Variants in SPIDR observed in about 807,000 individuals in gnomAD.
SPIDR encodes DNA repair-scaffolding protein.
SPIDR carries 93 observed loss-of-function variants against 104.6 expected under a neutral mutation model. That is an observed-to-expected ratio of 0.89 (90% CI 0.75 to 1.06). The LOEUF is 1.06. Ranked by LOEUF, SPIDR falls within the 50% of genes least tolerant of loss-of-function variation. The pLI is 0.00. For synonymous variants in SPIDR, 431 were observed against 416.9 expected (o/e 1.03, Z -0.41); for missense variants, 1,154 against 1,111.2 (o/e 1.04, Z -0.55).
chr8:47,665,690 A>C (rs1246706765), intron 10 of SPIDR, among the ~76,000 whole-genome samples: 1 of 152,246 alleles, frequency 6.6e-6, no homozygotes, highest in African/African-American at 2.4e-5. Flanking sequence ...CTGCTGATAC[A>C]CAAGGTGAGG....
intron 10 of SPIDR, among the ~76,000 whole-genome samples, chr8:47,671,733 C>T (rs1422199814): frequency 2.0e-5 from 3 of 152,072 alleles, no homozygotes; most frequent in Admixed American, 6.6e-5. Flanking sequence ...TGTCTTCTGG[C>T]GTCATTCATT....
chr8:47,431,363 A>G (rs1175134393), intron 7 of SPIDR, among the ~76,000 whole-genome samples: 1 of 152,190 alleles, frequency 6.6e-6, no homozygotes, highest in Non-Finnish European at 1.5e-5. Flanking sequence ...GGACACCAAC[A>G]TTCAATCTGT....
chr8:47,362,232 A>T (rs1190823483), intron 5 of SPIDR, among the ~76,000 whole-genome samples: 3 of 152,184 alleles, frequency 2.0e-5, no homozygotes, highest in African/African-American at 4.8e-5. Context: ...TTCTGCTGAG[A>T]GTGTGACTGC....
At chr8:47,263,571 G>A (rs1217497844) in intron 1 of SPIDR, among the ~76,000 whole-genome samples, 1 of 152,094 alleles carries the variant, frequency 6.6e-6, no homozygotes, top group Non-Finnish European at 1.5e-5. Flanking sequence ...CGCCCGCCTC[G>A]GCCTCCCAAA....
At chr8:47,729,735 T>A in intron 19 of SPIDR, 1 of 482,050 alleles carries the variant, frequency 2.1e-6, no homozygotes, top group East Asian at 3.5e-5. Flanking sequence ...TTGTTTTTGT[T>A]TTTAGACAGA....
At chr8:47,727,602 T>G (rs1302728150) in intron 17 of SPIDR, among the ~76,000 whole-genome samples, 2 of 152,102 alleles carry the variant, frequency 1.3e-5, no homozygotes, top group Non-Finnish European at 2.9e-5. Flanking sequence ...AAAAACTTGG[T>G]GACTGTATAG....
chr8:47,320,738 G>C (rs371154937), intron 5 of SPIDR, among the ~76,000 whole-genome samples: 1 of 152,164 alleles, frequency 6.6e-6, no homozygotes, highest in South Asian at 2.1e-4. Context: ...ACATGGAAAA[G>C]CTTATCCACC....
intron 8 of SPIDR, among the ~76,000 whole-genome samples, chr8:47,446,602 A>G (rs1228025024): frequency 2.0e-5 from 3 of 148,856 alleles, no homozygotes; most frequent in Admixed American, 6.7e-5. Flanking sequence ...TTTTTTTTTA[A>G]ATGAGATGGA....
At chr8:47,578,016 G>A (rs549787698) in intron 8 of SPIDR, among the ~76,000 whole-genome samples, 92 of 152,290 alleles carry the variant, frequency 6.0e-4, no homozygotes, top group African/African-American at 2.0e-3. Context: ...ATTTAGATTT[G>A]TATTCAGGAG....
At chr8:47,515,213 TTCTTCTGCTAAAAGA>T (rs1238479513) in intron 8 of SPIDR, among the ~76,000 whole-genome samples, 2 of 152,226 alleles carry the variant, frequency 1.3e-5, no homozygotes, top group Admixed American at 6.5e-5. Flanking sequence ...ATCTGCCAGT[TTCTTCTGCTAAAAGA>T]TCTTCTGCTA....
At chr8:47,363,761 C>T (rs2056637595) in intron 5 of SPIDR, among the ~76,000 whole-genome samples, 1 of 151,918 alleles carries the variant, frequency 6.6e-6, no homozygotes, top group Admixed American at 6.6e-5. Flanking sequence ...AGTTTGGGGA[C>T]CCCTGAGCTC....
chr8:47,615,267 G>A (rs926501787), intron 10 of SPIDR, among the ~76,000 whole-genome samples: 2 of 151,716 alleles, frequency 1.3e-5, no homozygotes, highest in African/African-American at 4.8e-5. Flanking sequence ...TTTTTCTTTT[G>A]TTGCTTGTGC....
chr8:47,645,367 T>C (rs2070131908), intron 10 of SPIDR, among the ~76,000 whole-genome samples: 1 of 152,092 alleles, frequency 6.6e-6, no homozygotes, highest in Admixed American at 6.5e-5. Flanking sequence ...GTGAGGTTGT[T>C]GGACTGGTGG....
At chr8:47,605,502 A>G (rs1468539669) in intron 10 of SPIDR, among the ~76,000 whole-genome samples, 1 of 152,232 alleles carries the variant, frequency 6.6e-6, no homozygotes, top group African/African-American at 2.4e-5. Flanking sequence ...CAATGAGGGC[A>G]TTCTGTCTCT....
At position 47,493,337 on chromosome 8, in the gene SPIDR, G is replaced by A. The variant is rs977381037; in HGVS notation, c.1097+52795G>A. 5.3e-5 allele frequency among the ~76,000 whole-genome samples: 8 copies of A among 152,114 alleles called. No individual in the cohort carries two copies. The South Asian group carries it at 1.7e-3, about 32-fold the overall frequency. On this transcript the variant is annotated intron_variant, in intron 8 of 19. Coordinates refer to ENST00000297423, the MANE Select transcript of SPIDR (RefSeq NM_001080394.4). ...ACCTGCTACCAATAAGAAACCCAGA[G>A]TTAATGCCACAAATACCATTATTAT...
At chr8:47,573,039 CCATTTA>C (rs775111285) in intron 8 of SPIDR, among the ~76,000 whole-genome samples, 2 of 152,122 alleles carry the variant, frequency 1.3e-5, no homozygotes, top group Non-Finnish European at 2.9e-5. Flanking sequence ...AAGTAAAAAC[CCATTTA>C]CATTAATTTT....
Position 47,260,994 on chromosome 8 carries a change from A to G in SPIDR, c.33+3A>G, listed in dbSNP as rs1034903681. 8.1e-7 allele frequency: 1 copy of G among 1,229,278 alleles called. No homozygotes were observed. Among genetic ancestry groups the G allele is most frequent in the East Asian group, 3.2e-5 (1 of 31,414 alleles). 76.1% of individuals were successfully genotyped at this position (1,229,278 alleles called of 1,614,324 possible). A position where few individuals can be genotyped will look rare whatever the true frequency, so the allele number is the denominator to read the frequency against. On this transcript the variant is annotated splice_donor_region_variant and intron_variant, in intron 1 of 19. Coordinates refer to ENST00000297423, the MANE Select transcript of SPIDR (RefSeq NM_001080394.4). ...GCAGCCGCGCTCGGGGCTCTAAGGTAGGCTCTGGGGCGGGAGTGGGCGCCG... is the reference window on the plus strand; with the variant it reads ...GCAGCCGCGCTCGGGGCTCTAAGGTGGGCTCTGGGGCGGGAGTGGGCGCCG...
At chr8:47,630,911 G>A (rs1481002551) in intron 10 of SPIDR, among the ~76,000 whole-genome samples, 2 of 152,162 alleles carry the variant, frequency 1.3e-5, no homozygotes, top group Non-Finnish European at 2.9e-5. Flanking sequence ...CAACCATGGG[G>A]CAGAAGGCAC....
chr8:47,472,274 G>C (rs1297686397), intron 8 of SPIDR, among the ~76,000 whole-genome samples: 1 of 152,194 alleles, frequency 6.6e-6, no homozygotes, highest in African/African-American at 2.4e-5. Flanking sequence ...TCCTAGGAGA[G>C]ATTGGGATGA....
Sources: allele counts gnomAD v4.1 joint callset (sites outside exome capture counted in the v4.1 genomes callset), GRCh38; gene constraint gnomAD v4.1.1; transcripts MANE v1.5; gene names NCBI Gene and HGNC (gene_info 2026-07-23, HGNC 2026-07-21).